The following PRKACB variants were observed in gnomAD, a reference collection of about 807,000 sequenced individuals.
PRKACB encodes cAMP-dependent protein kinase catalytic subunit beta.
PRKACB carries 16 observed loss-of-function variants against 51.4 expected under a neutral mutation model. The observed-to-expected ratio is 0.31, with a 90% CI of 0.21 to 0.47. PRKACB has a LOEUF of 0.47. Ranked by LOEUF, PRKACB falls within the 20% of genes least tolerant of loss-of-function variation. The probability of loss-of-function intolerance (pLI) is 1.00; values close to 1 mark genes in which losing one functional copy is unlikely to be tolerated. For synonymous variants in PRKACB, 147 were observed against 154.4 expected, an observed-to-expected ratio of 0.95 and a Z score of 0.35; for missense variants, 309 against 464.5, an observed-to-expected ratio of 0.67 and a Z score of 3.08.
intron 1 of PRKACB, 47 bp from the exon 2 acceptor site, chr1:84,179,130 A>T: frequency 6.6e-7 from 1 of 1,511,068 alleles, no homozygotes; most frequent in South Asian, 1.3e-5. Context: ...TATACAGAAT[A>T]TAAATATTCT....
intron 1 of PRKACB, among the ~76,000 whole-genome samples, chr1:84,177,911 T>C (rs1053752562): frequency 6.6e-6 from 1 of 152,066 alleles, no homozygotes; most frequent in African/African-American, 2.4e-5. Flanking sequence ...AAATTCTTTT[T>C]CTCAGTTTTT....
intron 1 of PRKACB, chr1:84,174,960 C>G: frequency 1.5e-6 from 2 of 1,319,430 alleles, no homozygotes. Flanking sequence ...TGAAAAAATG[C>G]GTATTGGTGA....
chr1:84,206,527 C>T (rs1261706936), intron 8 of PRKACB, among the ~76,000 whole-genome samples: 1 of 152,124 alleles, frequency 6.6e-6, no homozygotes, highest in Non-Finnish European at 1.5e-5. Flanking sequence ...TTTCAAGAGT[C>T]CTCTCCCAGG....
At chr1:84,230,204 G>T (rs1448763189) in intron 9 of PRKACB, among the ~76,000 whole-genome samples, 7 of 148,240 alleles carry the variant, frequency 4.7e-5, no homozygotes, top group South Asian at 4.3e-4. Context: ...TTTCCCCATT[G>T]CTTGTTTTTC....
upstream of PRKACB, among the ~76,000 whole-genome samples, chr1:84,140,824 A>G (rs915604406): frequency 3.7e-4 from 57 of 152,242 alleles, no homozygotes; most frequent in African/African-American, 1.3e-3. Context: ...CTTGCAGTAC[A>G]AGAAACCCTG....
At chr1:84,205,401 A>G in intron 8 of PRKACB, 1 of 372,490 alleles carries the variant, frequency 2.7e-6, no homozygotes, top group Non-Finnish European at 3.7e-6. Flanking sequence ...TAAATTTTTT[A>G]AATTGTGCAA....
chr1:84,221,572 A>C (rs537397706), intron 9 of PRKACB, among the ~76,000 whole-genome samples: 29 of 151,460 alleles, frequency 1.9e-4, no homozygotes, highest in Non-Finnish European at 2.8e-4. Context: ...TATTGCTATA[A>C]ACCTCCCCTT....
chr1:84,178,135 T>A (rs1383802376), intron 1 of PRKACB, among the ~76,000 whole-genome samples: 1 of 152,002 alleles, frequency 6.6e-6, no homozygotes, highest in Non-Finnish European at 1.5e-5. Flanking sequence ...AGGTATGACA[T>A]TGGTATGACA....
intron 1 of PRKACB, among the ~76,000 whole-genome samples, chr1:84,139,076 A>C (rs984755374): frequency 6.6e-6 from 1 of 152,186 alleles, no homozygotes; most frequent in Admixed American, 6.5e-5. Flanking sequence ...TACAGCTAAC[A>C]TTTTAGTAGT....
At chr1:84,087,854 T>C (rs2100760126) in intron 1 of PRKACB, among the ~76,000 whole-genome samples, 1 of 152,324 alleles carries the variant, frequency 6.6e-6, no homozygotes, top group Non-Finnish European at 1.5e-5. Context: ...AGTGGATTTC[T>C]TTATTTTAAT....
chr1:84,092,680 G>A (rs1648576870), intron 1 of PRKACB, among the ~76,000 whole-genome samples: 1 of 152,082 alleles, frequency 6.6e-6, no homozygotes, highest in Non-Finnish European at 1.5e-5. Context: ...TAAATTTTCA[G>A]ATTGGTTGAA....
intron 1 of PRKACB, among the ~76,000 whole-genome samples, chr1:84,123,520 A>G (rs1202208246): frequency 2.0e-5 from 3 of 152,152 alleles, no homozygotes; most frequent in Admixed American, 6.5e-5. Context: ...TGACACTTCT[A>G]TATATTGCCA....
chr1:84,179,376 G>T lies in PRKACB; in HGVS notation c.249+138G>T, dbSNP rs933508985. On this transcript the variant is annotated intron_variant, in intron 2 of 9. Transcript: ENST00000370685. ...AACAGAAGCTTAAAATGGGAATTTT[G>T]CCATAGTTATACTTTGATGTATTAA... The T allele has an allele frequency of 2.6e-5, 28 of 1,068,592 alleles. No individual in the cohort carries two copies. The East Asian group carries it at 7.1e-4, about 27-fold the overall frequency. The allele number at this position is 1,068,592 out of a possible 1,614,324, so 66.2% of individuals were successfully genotyped here.
chr1:84,084,863 A>G (rs1035205884), intron 1 of PRKACB, among the ~76,000 whole-genome samples: 1 of 152,054 alleles, frequency 6.6e-6, no homozygotes, highest in African/African-American at 2.4e-5. Flanking sequence ...ATGATAGCTG[A>G]TTGGTTATTG....
chr1:84,123,196 G>C (rs1169362134), intron 1 of PRKACB, among the ~76,000 whole-genome samples: 1 of 152,124 alleles, frequency 6.6e-6, no homozygotes, highest in Non-Finnish European at 1.5e-5. Flanking sequence ...ATACCACATA[G>C]TGATGTATGA....
chr1:84,180,706 C>G (rs1663136590), intron 2 of PRKACB, among the ~76,000 whole-genome samples: 1 of 151,952 alleles, frequency 6.6e-6, no homozygotes, highest in East Asian at 1.9e-4. Flanking sequence ...GATGCCATTA[C>G]TATCAAGATT....
upstream of PRKACB, chr1:84,078,133 G>C: frequency 4.0e-6 from 2 of 503,458 alleles, no homozygotes; most frequent in Non-Finnish European, 6.5e-6. Flanking sequence ...TGCTGCTGCC[G>C]GTGCTAAGGA....
chr1:84,153,743 T>C (rs1022657812), intron 1 of PRKACB, among the ~76,000 whole-genome samples: 3 of 152,160 alleles, frequency 2.0e-5, no homozygotes, highest in African/African-American at 7.2e-5. Context: ...AATGAAAGAA[T>C]TTCCTTCTTT....
chr1:84,179,738 A>G (rs1290195505), intron 2 of PRKACB, among the ~76,000 whole-genome samples: 1 of 151,982 alleles, frequency 6.6e-6, no homozygotes, highest in Non-Finnish European at 1.5e-5. Flanking sequence ...ATAAAAAACC[A>G]TCTATACTTT....
Sources: allele counts gnomAD v4.1 joint callset (sites outside exome capture counted in the v4.1 genomes callset), GRCh38; gene constraint gnomAD v4.1.1; transcripts MANE v1.5; gene names NCBI Gene and HGNC (gene_info 2026-07-23, HGNC 2026-07-21).